Variants in UBN2 observed in about 807,000 individuals in gnomAD.
UBN2 encodes ubinuclein-2.
UBN2 carries 35 observed loss-of-function variants against 120.2 expected under a neutral mutation model. The ratio of observed to expected loss-of-function variants is 0.29; its 90% CI spans 0.22 to 0.39. UBN2 has a LOEUF of 0.39. UBN2 is among the 10% of genes least tolerant of loss of function. The pLI is 1.00. For synonymous variants in UBN2, 661 were observed against 648.7 expected (o/e 1.02, Z -0.29); for missense variants, 1,693 against 1,663.2 (o/e 1.02, Z -0.31).
chr7:139,279,320 C>T lies in UBN2; in HGVS notation c.2027C>T (p.Ala676Val). Residue 676 changes from alanine (A) to valine (V), a missense_variant and splice_region_variant, in exon 13 of 18, where the codon GCA becomes GTA. By Grantham distance (64) the Ala-to-Val change is moderately conservative (BLOSUM62 0). Coordinates refer to ENST00000473989, the MANE Select transcript of UBN2 (RefSeq NM_173569.4). Reference sequence around the variant, plus strand: ...CTTTTAAAATCTTTTTATCTTAGGGCAAAGAAAAAGGTGATTCCTGCACCT... The same window carrying T: ...CTTTTAAAATCTTTTTATCTTAGGGTAAAGAAAAAGGTGATTCCTGCACCT... ...SVHNHLTSAP[A>V]KKKVIPAPKP... 1 of 1,606,728 alleles carries T rather than the reference C, an allele frequency of 6.2e-7. No homozygotes were observed. The highest frequency in any genetic ancestry group is 8.5e-7 in the Non-Finnish European group (1 of 1,177,316).
intron 7 of UBN2, among the ~76,000 whole-genome samples, chr7:139,267,803 TC>T (rs1797144926): frequency 6.6e-6 from 1 of 152,186 alleles, no homozygotes; most frequent in African/African-American, 2.4e-5. Context: ...TCATTTCTGT[TC>T]CTAGTTACTT....
chr7:139,244,244 C>T (rs1796400158), intron 2 of UBN2, among the ~76,000 whole-genome samples: 1 of 152,134 alleles, frequency 6.6e-6, no homozygotes, highest in Non-Finnish European at 1.5e-5. Context: ...AAATAAAAAT[C>T]AGCAAATCAC....
the UBN2 span, among the ~76,000 whole-genome samples, chr7:139,313,816 C>G: frequency 1.6e-4 from 24 of 151,822 alleles, no homozygotes; most frequent in South Asian, 4.2e-4. Flanking sequence ...AGTGCTTTTC[C>G]CATAATACCT....
intron 6 of UBN2, 96 bp from the exon 7 acceptor site, chr7:139,266,226 CAAAAAAAAAAA>C (rs377760158): frequency 5.8e-6 from 2 of 342,958 alleles, no homozygotes; most frequent in Non-Finnish European, 9.7e-6. Flanking sequence ...GGCCCTATCT[CAAAAAAAAAAA>C]AAAAAAAAGA....
At position 139,252,067 on chromosome 7, in the gene UBN2, G is replaced by A. The variant is rs1264678907; in HGVS notation, c.663+10G>A. The A allele has an allele frequency of 4.4e-6, 7 of 1,605,140 alleles. No homozygotes were observed. Among genetic ancestry groups the A allele is most frequent in the Non-Finnish European group, 6.0e-6 (7 of 1,171,940 alleles). On this transcript the variant is annotated intron_variant, in intron 3 of 17. Transcript: ENST00000473989. The stretch of plus-strand genomic sequence containing the variant: ...TGATAACTCAGAGGCTGTGAGTAAT[G>A]TATCTTTAATATAGCAGCAAATTCA...
At chr7:139,241,180 G>A (rs1162589852) in intron 2 of UBN2, among the ~76,000 whole-genome samples, 1 of 152,128 alleles carries the variant, frequency 6.6e-6, no homozygotes, top group African/African-American at 2.4e-5. Flanking sequence ...TAGCCTTCTA[G>A]GACATAGGAT....
In UBN2 at chr7:139,251,810, A is replaced by G. The variant is rs1050151223; in HGVS notation, c.562-146A>G. 12 of 639,672 alleles carry G rather than the reference A, an allele frequency of 1.9e-5. No individual in the cohort carries two copies. In the African/African-American group the frequency reaches 2.0e-4, roughly 11 times the overall value. The allele number at this position is 639,672 out of a possible 1,614,324, so 39.6% of individuals were successfully genotyped here. On this transcript the variant is annotated intron_variant, in intron 2 of 17. Coordinates refer to ENST00000473989, the MANE Select transcript of UBN2 (RefSeq NM_173569.4). ...TCTTTGGAACAAGTCACTAAGTGCAATTTGCATTCAAGGTGTGGGAGGACT... is the reference window on the plus strand; with the variant it reads ...TCTTTGGAACAAGTCACTAAGTGCAGTTTGCATTCAAGGTGTGGGAGGACT...
At chr7:139,316,984 G>A in the UBN2 span, among the ~76,000 whole-genome samples, 1 of 149,768 alleles carries the variant, frequency 6.7e-6, no homozygotes, top group Non-Finnish European at 1.5e-5. Context: ...CCAGGCTGGA[G>A]TGCAATGGTG....
At chr7:139,321,347 G>C in the UBN2 span, among the ~76,000 whole-genome samples, 2 of 152,226 alleles carry the variant, frequency 1.3e-5, no homozygotes, top group South Asian at 4.1e-4. Context: ...CCCATCTTCA[G>C]CTCATGCCAA....
chr7:139,269,004 C>T (rs75565474), intron 7 of UBN2, among the ~76,000 whole-genome samples: 2 of 151,984 alleles, frequency 1.3e-5, no homozygotes, highest in Admixed American at 1.3e-4. Context: ...GTCAGGAGTT[C>T]GAGACCAGCC....
intron 3 of UBN2, among the ~76,000 whole-genome samples, chr7:139,252,609 G>T (rs1488536967): frequency 6.6e-6 from 1 of 152,042 alleles, no homozygotes; most frequent in Non-Finnish European, 1.5e-5. Context: ...GATTTGGCCA[G>T]TGCATCTCAT....
intron 15 of UBN2, among the ~76,000 whole-genome samples, chr7:139,290,774 G>A (rs1215776170): frequency 6.6e-6 from 1 of 152,184 alleles, no homozygotes; most frequent in African/African-American, 2.4e-5. Flanking sequence ...GGCAGTTAAA[G>A]AACCAGGAAG....
chr7:139,231,433 C>A lies in UBN2; in HGVS notation c.-52C>A. The A allele has an allele frequency of 1.6e-6, 2 of 1,267,970 alleles. No homozygotes were observed. The highest frequency in any genetic ancestry group is 2.0e-6 in the Non-Finnish European group (2 of 996,222). 78.5% of individuals were successfully genotyped at this position (1,267,970 alleles called of 1,614,324 possible). A position where few individuals can be genotyped will look rare whatever the true frequency, so the allele number is the denominator to read the frequency against. ...GAAGGGCGGGCAGGCACGCAGCGCG[C>A]CGTAGAAGCGAGCGCCGGCTCGAGC... On this transcript the variant is annotated 5_prime_UTR_variant, in exon 1 of 18. Transcript: ENST00000473989.
intron 3 of UBN2, among the ~76,000 whole-genome samples, chr7:139,253,511 A>G (rs1796675895): frequency 1.3e-5 from 2 of 152,204 alleles, no homozygotes; most frequent in African/African-American, 4.8e-5. Context: ...AGACATCTCT[A>G]ATATCTGTTC....
At chr7:139,326,772 G>C in the UBN2 span, among the ~76,000 whole-genome samples, 1 of 152,218 alleles carries the variant, frequency 6.6e-6, no homozygotes, top group Non-Finnish European at 1.5e-5. Context: ...TATGGGAGCA[G>C]AGAAGCCAGC....
At chr7:139,309,631 G>A (rs148973956), downstream of UBN2, among the ~76,000 whole-genome samples, 264 of 152,156 alleles carry the variant, frequency 1.7e-3, 2 homozygotes, top group Admixed American at 0.016. Context: ...ATTTTAAAAG[G>A]TGGCCAAGGC....
At chr7:139,265,211 A>G (rs1308335455) in intron 6 of UBN2, among the ~76,000 whole-genome samples, 1 of 152,134 alleles carries the variant, frequency 6.6e-6, no homozygotes, top group Non-Finnish European at 1.5e-5. Context: ...TTTTTAAAAT[A>G]TTGGCCGGGC....
At position 139,266,417 on chromosome 7, in the gene UBN2, T is replaced by C. The variant is rs1351887625; in HGVS notation, c.1466+14T>C. 7.1e-7 allele frequency: 1 copy of C among 1,412,732 alleles called. No individual in the cohort carries two copies. The highest frequency in any genetic ancestry group is 2.1e-5 in the Admixed American group (1 of 47,164). 87.5% of individuals were successfully genotyped at this position (1,412,732 alleles called of 1,614,324 possible). A position where few individuals can be genotyped will look rare whatever the true frequency, so the allele number is the denominator to read the frequency against. ...TATTCTTCTGGAGTAAGTAATTTTC[T>C]TTAAAAAAAAAAACCTTAAGAATGA... On this transcript the variant is annotated intron_variant, in intron 7 of 17. Transcript: ENST00000473989.
At chr7:139,269,907 C>T (rs532675669) in intron 8 of UBN2, among the ~76,000 whole-genome samples, 9 of 151,384 alleles carry the variant, frequency 5.9e-5, no homozygotes, top group Non-Finnish European at 7.4e-5. Flanking sequence ...CTCCTGGGCT[C>T]GAGCAGTCCT....
Sources: allele counts gnomAD v4.1 joint callset (sites outside exome capture counted in the v4.1 genomes callset), GRCh38; gene constraint gnomAD v4.1.1; transcripts MANE v1.5; gene names NCBI Gene and HGNC (gene_info 2026-07-23, HGNC 2026-07-21).